Variants in DYNC1I1 observed in about 807,000 individuals in gnomAD.
DYNC1I1 encodes the protein cytoplasmic dynein 1 intermediate chain 1.
Under a neutral mutation model 86.6 loss-of-function variants are expected in DYNC1I1, and 43 were observed. The observed-to-expected ratio is 0.50, with a 90% CI of 0.39 to 0.64. The LOEUF is 0.64. Ranked by LOEUF, DYNC1I1 falls within the 30% of genes least tolerant of loss-of-function variation. The pLI, the probability that DYNC1I1 is intolerant of heterozygous loss-of-function variation, is 0.00. For synonymous variants in DYNC1I1, 262 were observed against 283.7 expected, an observed-to-expected ratio of 0.92 and a Z score of 0.77; for missense variants, 604 against 788.8, an observed-to-expected ratio of 0.77 and a Z score of 2.81.
rs575419421 is a variant in DYNC1I1 at position 95,961,182 on chromosome 7, T to C, written c.491-16330T>C. ...CAAATCTCATTGGAATTGGGGCTTC[T>C]CTTGGTCTCTATGACAATATTACTA... On this transcript the variant is annotated intron_variant, in intron 6 of 16. Coordinates refer to ENST00000447467, the MANE Select transcript of DYNC1I1 (RefSeq NM_001135556.2). Among the ~76,000 whole-genome samples, 8 of 152,308 alleles carry C rather than the reference T, an allele frequency of 5.3e-5. 2 individuals carry two copies. The highest frequency in any genetic ancestry group is 1.9e-4 in the African/African-American group (8 of 41,556).
intron 6 of DYNC1I1, among the ~76,000 whole-genome samples, chr7:95,975,433 T>C (rs1453067631): frequency 1.3e-5 from 2 of 152,168 alleles, no homozygotes; most frequent in Non-Finnish European, 2.9e-5. Flanking sequence ...CCTTGGCTTG[T>C]AAAAGCATCA....
In DYNC1I1 at chr7:96,080,390, G is replaced by C. The variant is rs774678955; in HGVS notation, c.1678G>C (p.Gly560Arg). 1 of 1,611,880 alleles carries C rather than the reference G, an allele frequency of 6.2e-7. No individual in the cohort carries two copies. The highest frequency in any genetic ancestry group is 1.7e-5 in the Admixed American group (1 of 59,746). Residue 560 changes from glycine (G) to arginine (R), a missense_variant, in exon 16 of 17, where the codon GGG becomes CGG. Physicochemically the swap from Gly to Arg is moderately radical, Grantham distance 125. Coordinates refer to ENST00000447467, the MANE Select transcript of DYNC1I1 (RefSeq NM_001135556.2). ...EVPTASVAIE[G>R]ASALNRVRWA... ...TCCAACAGCAAGTGTGGCCATTGAG[G>C]GGGCATCCGCCCTAAACCGTGTTCG...
chr7:95,788,965 C>A (rs867741355), intron 1 of DYNC1I1, among the ~76,000 whole-genome samples: 29 of 152,136 alleles, frequency 1.9e-4, no homozygotes, highest in African/African-American at 6.3e-4. Flanking sequence ...TTAATTCTTT[C>A]TTCCAGAATT....
chr7:95,894,525 T>A (rs1257683532), intron 6 of DYNC1I1, among the ~76,000 whole-genome samples: 1 of 152,144 alleles, frequency 6.6e-6, no homozygotes. Flanking sequence ...AGAGTGTGTA[T>A]CTTCTTTTCA....
intron 14 of DYNC1I1, among the ~76,000 whole-genome samples, chr7:96,070,876 TA>T (rs1476436691): frequency 2.6e-5 from 4 of 152,204 alleles, no homozygotes; most frequent in African/African-American, 9.6e-5. Context: ...ACATCAGAAA[TA>T]GAAACTCACC....
At chr7:96,087,151 T>C (rs563931203) in intron 16 of DYNC1I1, among the ~76,000 whole-genome samples, 1 of 152,292 alleles carries the variant, frequency 6.6e-6, no homozygotes, top group South Asian at 2.1e-4. Context: ...TTTCCAGTAA[T>C]ACAGGGCCTA....
rs1791068002 is a variant in DYNC1I1 at position 96,098,012 on chromosome 7, T to C, written c.*419T>C. 2.0e-6 allele frequency: 2 copies of C among 991,256 alleles called. No homozygotes were observed. Among genetic ancestry groups the C allele is most frequent in the East Asian group, 2.2e-4 (2 of 9,192 alleles). 61.4% of individuals were successfully genotyped at this position (991,256 alleles called of 1,614,324 possible). A position where few individuals can be genotyped will look rare whatever the true frequency, so the allele number is the denominator to read the frequency against. ...ATATTATGGTACAGGGCCAAAGACT[T>C]GAGACGTGGTGTTTTACATGGTGAC... On this transcript the variant is annotated 3_prime_UTR_variant, in exon 17 of 17. Transcript: ENST00000447467.
chr7:96,013,462 TG>T (rs1794327224), intron 10 of DYNC1I1, among the ~76,000 whole-genome samples: 1 of 152,120 alleles, frequency 6.6e-6, no homozygotes, highest in African/African-American at 2.4e-5. Flanking sequence ...TGTTTTGTTT[TG>T]TTTTGTTTTG....
In DYNC1I1 at chr7:96,096,822, A is replaced by C. The variant is rs12671306; in HGVS notation, c.1777-661A>C. ...TATGCAACCTTGGTAAGATTATTTA[A>C]TCTTTCTGTGCCTCTAATATAGGAA... is the stretch of plus-strand genomic sequence containing the variant. On this transcript the variant is annotated intron_variant, in intron 16 of 16. Coordinates refer to ENST00000447467, the MANE Select transcript of DYNC1I1 (RefSeq NM_001135556.2). 9.5e-4 allele frequency among the ~76,000 whole-genome samples: 144 copies of C among 152,234 alleles called. 1 individual carries two copies. The East Asian group carries it at 0.025, about 26-fold the overall frequency.
intron 3 of DYNC1I1, among the ~76,000 whole-genome samples, chr7:95,811,854 T>C (rs921028029): frequency 2.6e-5 from 4 of 152,192 alleles, no homozygotes; most frequent in Non-Finnish European, 2.9e-5. Flanking sequence ...TGCCTCAAAA[T>C]AGCCTTTGAA....
intron 15 of DYNC1I1, among the ~76,000 whole-genome samples, chr7:96,079,019 G>GTT (rs138249934): frequency 2.1e-4 from 31 of 150,732 alleles, no homozygotes; most frequent in East Asian, 1.7e-3. Context: ...GACTTTTGGG[G>GTT]TTTTTTTTTG....
intron 6 of DYNC1I1, among the ~76,000 whole-genome samples, chr7:95,963,260 G>A (rs1792921179): frequency 6.6e-6 from 1 of 152,016 alleles, no homozygotes; most frequent in South Asian, 2.1e-4. Flanking sequence ...TTAATTTTCA[G>A]AGCACATCTC....
At chr7:96,040,715 A>G (rs79382806) in intron 14 of DYNC1I1, among the ~76,000 whole-genome samples, 1 of 133,982 alleles carries the variant, frequency 7.5e-6, no homozygotes, top group Non-Finnish European at 1.6e-5. Flanking sequence ...ACAAATGAGT[A>G]GTTTTTTTTT....
At chr7:95,816,745 G>T (rs929993824) in intron 4 of DYNC1I1, among the ~76,000 whole-genome samples, 3 of 152,212 alleles carry the variant, frequency 2.0e-5, no homozygotes, top group Non-Finnish European at 2.9e-5. Context: ...AAAATGCAAG[G>T]TTATTTTAGT....
chr7:96,087,378 T>C (rs150714511), intron 16 of DYNC1I1, among the ~76,000 whole-genome samples: 42 of 152,292 alleles, frequency 2.8e-4, no homozygotes, highest in African/African-American at 9.1e-4. Flanking sequence ...CAAACCTGAT[T>C]GCATGGCTCG....
exon 17 of DYNC1I1, chr7:96,110,023 A>T: frequency 2.4e-6 from 1 of 419,526 alleles, no homozygotes; most frequent in Middle Eastern, 3.4e-4. Context: ...CCTGGACTCA[A>T]GCAATCCTCC....
chr7:95,799,196 G>A (rs2115764569), intron 1 of DYNC1I1, among the ~76,000 whole-genome samples: 1 of 152,160 alleles, frequency 6.6e-6, no homozygotes, highest in East Asian at 1.9e-4. Flanking sequence ...TGGCCAACAT[G>A]GCGAAACCCC....
At chr7:95,864,487 C>T (rs916098256) in intron 5 of DYNC1I1, among the ~76,000 whole-genome samples, 3 of 152,130 alleles carry the variant, frequency 2.0e-5, no homozygotes, top group African/African-American at 7.2e-5. Context: ...AGCCAGCTTT[C>T]CCAGCCAAGT....
chr7:95,928,789 C>A (rs988992662), intron 6 of DYNC1I1, among the ~76,000 whole-genome samples: 1 of 152,146 alleles, frequency 6.6e-6, no homozygotes, highest in Non-Finnish European at 1.5e-5. Context: ...TTGGCATCCA[C>A]CAAATGGAGA....
Sources: gnomAD v4.1 joint callset for allele counts (sites outside exome capture counted in the v4.1 genomes callset) on GRCh38, gnomAD v4.1.1 for gene constraint, MANE v1.5 for transcripts, NCBI Gene and HGNC (gene_info 2026-07-23, HGNC 2026-07-21) for gene names.